Variants in MACROD2 observed in about 807,000 individuals in gnomAD.
MACROD2 encodes ADP-ribose glycohydrolase MACROD2.
A neutral mutation model predicts 70.4 loss-of-function variants in MACROD2; 36 were observed. The ratio of observed to expected loss-of-function variants is 0.51; its 90% confidence interval spans 0.39 to 0.68. The LOEUF is 0.68. Ranked by LOEUF, MACROD2 falls within the 30% of genes least tolerant of loss-of-function variation. The probability of loss-of-function intolerance (pLI) is 0.00; values close to 1 mark genes in which losing one functional copy is unlikely to be tolerated. For missense variants in MACROD2, 496 were observed against 538.4 expected, an observed-to-expected ratio of 0.92 and a Z score of 0.78; for synonymous variants, 172 against 178.8, an observed-to-expected ratio of 0.96 and a Z score of 0.30.
intron 5 of MACROD2, among the ~76,000 whole-genome samples, chr20:15,097,304 G>A (rs1290463049): frequency 6.6e-6 from 1 of 152,156 alleles, no homozygotes; most frequent in East Asian, 1.9e-4. Context: ...CATGGAGTAT[G>A]TATAGTAATA....
At chr20:15,940,756 C>G (rs749026719) in intron 12 of MACROD2, among the ~76,000 whole-genome samples, 5 of 152,094 alleles carry the variant, frequency 3.3e-5, no homozygotes, top group Admixed American at 6.6e-5. Flanking sequence ...ATGTCAAATA[C>G]CCACATAGGC....
intron 8 of MACROD2, among the ~76,000 whole-genome samples, chr20:15,621,015 G>C (rs1236921691): frequency 6.6e-6 from 1 of 152,126 alleles, no homozygotes; most frequent in Non-Finnish European, 1.5e-5. Flanking sequence ...CTGGGGGCCT[G>C]GGGGAGAGAG....
Position 15,080,344 on chromosome 20 carries a change from C to CA in MACROD2, c.419-149593dup, listed in dbSNP as rs2075694035. 2.0e-5 allele frequency among the ~76,000 whole-genome samples: 3 copies of CA among 152,080 alleles called. 1 individual carries two copies. Among genetic ancestry groups the CA allele is most frequent in the Admixed American group, 2.0e-4 (3 of 15,260 alleles). On this transcript the variant is annotated intron_variant, in intron 5 of 17. Coordinates refer to ENST00000684519, the MANE Select transcript of MACROD2 (RefSeq NM_001351661.2). ...AAGTCAGCGATGAGTTCCCTCTTAC[C>CA]AAATACACTGGTCAGTTTCCTGATC... is the stretch of plus-strand genomic sequence containing the variant.
At chr20:14,177,051 C>T (rs147803853) in intron 3 of MACROD2, among the ~76,000 whole-genome samples, 336 of 152,284 alleles carry the variant, frequency 2.2e-3, no homozygotes, top group African/African-American at 7.8e-3. Context: ...GAGACTTCCC[C>T]TCTTTGTATA....
At chr20:15,134,876 G>A (rs2076134628) in intron 5 of MACROD2, among the ~76,000 whole-genome samples, 1 of 151,986 alleles carries the variant, frequency 6.6e-6, no homozygotes. Context: ...AAATGATAAA[G>A]GGGATATCAC....
chr20:15,042,164 T>C (rs528683239), intron 5 of MACROD2, among the ~76,000 whole-genome samples: 1 of 152,012 alleles, frequency 6.6e-6, no homozygotes, highest in Non-Finnish European at 1.5e-5. Context: ...CTATGACAAA[T>C]AGAAAGTGAA....
chr20:14,702,734 TA>T lies in MACROD2; in HGVS notation c.418+17776del, dbSNP rs1218370564. Reference sequence around the variant, plus strand: ...GTGTATATATATGTGTATATATATATATTTTTTTTTGAGACGGAGTTTTTCT... The same window carrying T: ...GTGTATATATATGTGTATATATATATTTTTTTTTTGAGACGGAGTTTTTCT... On this transcript the variant is annotated intron_variant, in intron 5 of 17. Coordinates refer to ENST00000684519, the MANE Select transcript of MACROD2 (RefSeq NM_001351661.2). 1.1e-4 allele frequency among the ~76,000 whole-genome samples: 16 copies of T among 147,092 alleles called. 2 individuals carry two copies. The highest frequency in any genetic ancestry group is 2.7e-4 in the African/African-American group (11 of 40,074).
chr20:15,917,683 C>T (rs2147281529), intron 10 of MACROD2, among the ~76,000 whole-genome samples: 1 of 152,276 alleles, frequency 6.6e-6, no homozygotes, highest in Non-Finnish European at 1.5e-5. Flanking sequence ...GTGTCTTTAT[C>T]AGCAAGTGAA....
In MACROD2 at chr20:14,736,890, A is replaced by AT. The variant is rs146396003; in HGVS notation, c.418+51938dup. 0.01 allele frequency among the ~76,000 whole-genome samples: 1,540 copies of AT among 152,190 alleles called. 52 individuals are homozygous for AT. In the East Asian group the frequency reaches 0.11, roughly 11 times the overall value. On this transcript the variant is annotated intron_variant, in intron 5 of 17. Coordinates refer to ENST00000684519, the MANE Select transcript of MACROD2 (RefSeq NM_001351661.2). ...AACAAATAGATACTTCTTGGACCTG[A>AT]TTTTTTTATTAGAAGATGTTAAGAA...
At chr20:14,486,714 T>C (rs565997810) in intron 3 of MACROD2, among the ~76,000 whole-genome samples, 1 of 151,988 alleles carries the variant, frequency 6.6e-6, no homozygotes, top group African/African-American at 2.4e-5. Context: ...AGACGGGGTT[T>C]CACCATGTTA....
chr20:15,906,765 CTGA>C (rs978863065), intron 10 of MACROD2, among the ~76,000 whole-genome samples: 13 of 152,298 alleles, frequency 8.5e-5, no homozygotes, highest in South Asian at 2.1e-4. Context: ...TTGGATTGGT[CTGA>C]TGTTTTCTCA....
chr20:13,995,851 TTA>T lies in MACROD2; in HGVS notation c.46+43_46+44del. ...GTCCTGGGGGTGCGGGCGGTGGGGGTTAGGGTGGGGGCGGGGGTCAGGCTGTG... is the reference window on the plus strand; with the variant it reads ...GTCCTGGGGGTGCGGGCGGTGGGGGTGGGTGGGGGCGGGGGTCAGGCTGTG... On this transcript the variant is annotated intron_variant, in intron 1 of 17. Coordinates refer to ENST00000684519, the MANE Select transcript of MACROD2 (RefSeq NM_001351661.2). The surrounding 1 kb of genome is among the most constrained non-coding windows in gnomAD (Gnocchi z 4.3). 7.2e-7 allele frequency: 1 copy of T among 1,380,558 alleles called. No individual in the cohort carries two copies. The highest frequency in any genetic ancestry group is 1.0e-6 in the Non-Finnish European group (1 of 997,060). 85.5% of individuals were successfully genotyped at this position (1,380,558 alleles called of 1,614,324 possible). A position where few individuals can be genotyped will look rare whatever the true frequency, so the allele number is the denominator to read the frequency against.
At chr20:15,840,092 AATTT>A (rs1015820683) in intron 8 of MACROD2, among the ~76,000 whole-genome samples, 34 of 152,170 alleles carry the variant, frequency 2.2e-4, no homozygotes, top group African/African-American at 7.7e-4. Context: ...TCACTCCTAA[AATTT>A]TCTGTGGGAC....
At chr20:14,605,193 C>T (rs1030194574) in intron 4 of MACROD2, among the ~76,000 whole-genome samples, 7 of 152,114 alleles carry the variant, frequency 4.6e-5, no homozygotes, top group Non-Finnish European at 8.8e-5. Context: ...GTGGCATCAA[C>T]GACAGAAATG....
chr20:15,130,838 T>G (rs2076099461), intron 5 of MACROD2, among the ~76,000 whole-genome samples: 1 of 152,068 alleles, frequency 6.6e-6, no homozygotes, highest in Non-Finnish European at 1.5e-5. Flanking sequence ...TCTCCTGAGG[T>G]ACTCCTGATG....
intron 9 of MACROD2, among the ~76,000 whole-genome samples, chr20:15,884,888 C>T (rs2064803289): frequency 6.6e-6 from 1 of 152,012 alleles, no homozygotes; most frequent in African/African-American, 2.4e-5. Context: ...TGTAGAGAGC[C>T]ATCTTCTTCC....
chr20:14,659,274 T>C (rs1986118826), intron 4 of MACROD2, among the ~76,000 whole-genome samples: 1 of 152,246 alleles, frequency 6.6e-6, no homozygotes, highest in South Asian at 2.1e-4. Context: ...CTACAAGTTA[T>C]GTATAATACA....
chr20:14,967,313 C>T lies in MACROD2; in HGVS notation c.419-262627C>T, dbSNP rs566367081. On this transcript the variant is annotated intron_variant, in intron 5 of 17. Transcript: ENST00000684519. The stretch of plus-strand genomic sequence containing the variant: ...GATCAAGCAATTCACCTGCCTCAGC[C>T]TCCTGAGTAGCTGGGATTACAGGTA... Among the ~76,000 whole-genome samples, 9 of 152,226 alleles carry T rather than the reference C, an allele frequency of 5.9e-5. No homozygotes were observed. In the East Asian group the frequency reaches 1.5e-3, roughly 26 times the overall value.
chr20:14,372,295 A>C (rs2083332548), intron 3 of MACROD2, among the ~76,000 whole-genome samples: 1 of 152,214 alleles, frequency 6.6e-6, no homozygotes, highest in Non-Finnish European at 1.5e-5. Context: ...ACATTAATAC[A>C]GATATCCTAA....
Sources: gnomAD v4.1 joint callset for allele counts (sites outside exome capture counted in the v4.1 genomes callset) on GRCh38, gnomAD v4.1.1 for gene constraint, Gnocchi (gnomAD v3.1) non-coding constraint, MANE v1.5 for transcripts, NCBI Gene and HGNC (gene_info 2026-07-23, HGNC 2026-07-21) for gene names.